Variants in FNDC3A observed in about 807,000 individuals in gnomAD.
FNDC3A encodes the protein fibronectin type III domain containing 3A.
In FNDC3A, 32 loss-of-function variants were observed where a neutral mutation model predicts 148.9. That is an observed-to-expected ratio of 0.21 (90% CI 0.16 to 0.29). The LOEUF is 0.29. Among genes scored for constraint, FNDC3A ranks in the 10% least tolerant of loss-of-function variants. The probability of loss-of-function intolerance (pLI) is 1.00; values close to 1 mark genes in which losing one functional copy is unlikely to be tolerated. For missense variants in FNDC3A, 1,191 were observed against 1,452.8 expected (o/e 0.82, Z 2.93); for synonymous variants, 472 against 473.6 (o/e 1.00, Z 0.04).
chr13:49,071,249 T>TACCA (rs561195291), intron 2 of FNDC3A, among the ~76,000 whole-genome samples: 36 of 152,222 alleles, frequency 2.4e-4, no homozygotes, highest in African/African-American at 8.4e-4. Flanking sequence ...TGTGTATATA[T>TACCA]ACCACATTTT....
chr13:49,104,926 A>G (rs1880078652), intron 3 of FNDC3A, among the ~76,000 whole-genome samples: 1 of 152,246 alleles, frequency 6.6e-6, no homozygotes, highest in African/African-American at 2.4e-5. Flanking sequence ...AATGCTAACT[A>G]TCAAATGATC....
chr13:49,043,229 T>C (rs1875089325), intron 2 of FNDC3A, among the ~76,000 whole-genome samples: 1 of 152,018 alleles, frequency 6.6e-6, no homozygotes, highest in Non-Finnish European at 1.5e-5. Flanking sequence ...GCTCCCAAAG[T>C]GTTGGAATTA....
chr13:49,094,652 G>A (rs1001431990), intron 3 of FNDC3A, among the ~76,000 whole-genome samples: 2 of 152,116 alleles, frequency 1.3e-5, no homozygotes, highest in Admixed American at 1.3e-4. Flanking sequence ...AGTTTCCTAG[G>A]AAAGAAGATT....
At chr13:49,042,087 T>C (rs943417994) in intron 2 of FNDC3A, among the ~76,000 whole-genome samples, 3 of 152,202 alleles carry the variant, frequency 2.0e-5, no homozygotes, top group Admixed American at 6.5e-5. Context: ...ATCTGAGATA[T>C]GGGAGTAAAA....
intron 1 of FNDC3A, among the ~76,000 whole-genome samples, chr13:48,985,806 G>C (rs1486124317): frequency 1.3e-5 from 2 of 152,170 alleles, no homozygotes; most frequent in African/African-American, 4.8e-5. Flanking sequence ...TTGGATTAGG[G>C]ATCAGGAAAG....
Position 49,197,978 on chromosome 13 carries a change from G to C in FNDC3A, c.2491-4G>C, listed in dbSNP as rs1456198490. The C allele has an allele frequency of 6.2e-7, 1 of 1,605,948 alleles. No homozygotes were observed. The highest frequency in any genetic ancestry group is 8.5e-7 in the Non-Finnish European group (1 of 1,176,056). On this transcript the variant is annotated splice_polypyrimidine_tract_variant and splice_region_variant and intron_variant, in intron 21 of 25. Coordinates refer to ENST00000492622, the MANE Select transcript of FNDC3A (RefSeq NM_001079673.2). ...GTTAACTCGGAGGCTCTGTTAATTT[G>C]TAGGCTCTGAGTGTTGTGGGTGCAG...
chr13:49,071,189 C>T (rs187510623), intron 2 of FNDC3A, among the ~76,000 whole-genome samples: 2 of 151,576 alleles, frequency 1.3e-5, no homozygotes, highest in Admixed American at 6.6e-5. Flanking sequence ...AGTGAGCCAC[C>T]GTTCCCCAGC....
chr13:49,187,757 AT>A (rs1043072817), intron 16 of FNDC3A: 550 of 804,990 alleles, frequency 6.8e-4, no homozygotes, highest in East Asian at 1.6e-3. Context: ...TTTTTCCTGG[AT>A]TTTTTTTTTC....
In FNDC3A at chr13:49,136,570, A is replaced by G. The variant is rs1397738514; in HGVS notation, c.729A>G (p.Lys243=). ...CAAAAATCAAGTCTGGGAAGGGGAAAGGTGGTACACAAGTTGATACAGAAA... is the reference window on the plus strand; with the variant it reads ...CAAAAATCAAGTCTGGGAAGGGGAAGGGTGGTACACAAGTTGATACAGAAA... ...GSAKIKSGKG[K]GGTQVDTEIE... is the part of the protein sequence containing the mutation. The change falls in exon 6 of 26, where the codon AAA becomes AAG. Residue 243 remains lysine (K), a synonymous_variant. Transcript: ENST00000492622. 1.9e-6 allele frequency: 3 copies of G among 1,613,966 alleles called. No homozygotes were observed. The highest frequency in any genetic ancestry group is 2.5e-6 in the Non-Finnish European group (3 of 1,179,844).
chr13:49,002,877 G>A (rs1313763570), intron 1 of FNDC3A, among the ~76,000 whole-genome samples: 2 of 152,116 alleles, frequency 1.3e-5, no homozygotes, highest in African/African-American at 4.8e-5. Flanking sequence ...GCTTCTATGA[G>A]CCGTCTTGTA....
chr13:49,108,424 A>G (rs1880337500), intron 3 of FNDC3A, among the ~76,000 whole-genome samples: 1 of 152,174 alleles, frequency 6.6e-6, no homozygotes, highest in African/African-American at 2.4e-5. Flanking sequence ...CAGACTACCA[A>G]CACTGCTTCA....
intron 1 of FNDC3A, among the ~76,000 whole-genome samples, chr13:48,988,597 T>G (rs1384792436): frequency 1.3e-5 from 2 of 152,082 alleles, no homozygotes; most frequent in Non-Finnish European, 2.9e-5. Flanking sequence ...GTCCCAGGAC[T>G]TTGGGAGGCT....
intron 8 of FNDC3A, among the ~76,000 whole-genome samples, chr13:49,151,263 T>C (rs1168065232): frequency 6.6e-6 from 1 of 152,218 alleles, no homozygotes; most frequent in Non-Finnish European, 1.5e-5. Flanking sequence ...TTCTGGGTGC[T>C]CCAGTGTTGG....
chr13:49,109,901 G>T (rs536867210), intron 3 of FNDC3A, among the ~76,000 whole-genome samples: 1 of 152,216 alleles, frequency 6.6e-6, no homozygotes, highest in East Asian at 1.9e-4. Flanking sequence ...TGAGTATGGA[G>T]AATTACGTTA....
chr13:49,066,377 G>A (rs1019209209), intron 2 of FNDC3A, among the ~76,000 whole-genome samples: 2 of 151,052 alleles, frequency 1.3e-5, no homozygotes, highest in Non-Finnish European at 3.0e-5. Flanking sequence ...CACCCTTATA[G>A]TTCATTGCTA....
intron 2 of FNDC3A, among the ~76,000 whole-genome samples, chr13:49,069,609 G>A (rs749092164): frequency 6.6e-6 from 1 of 152,112 alleles, no homozygotes; most frequent in Non-Finnish European, 1.5e-5. Flanking sequence ...ACTCTAAAAA[G>A]GCATTGAACA....
chr13:49,206,816 T>C (rs1352951464), intron 25 of FNDC3A, among the ~76,000 whole-genome samples: 1 of 152,232 alleles, frequency 6.6e-6, no homozygotes, highest in African/African-American at 2.4e-5. Context: ...GCTTGTTCTC[T>C]AGCTGCCCTG....
intron 10 of FNDC3A, among the ~76,000 whole-genome samples, chr13:49,169,873 T>TA (rs1442803691): frequency 2.0e-5 from 3 of 152,216 alleles, no homozygotes; most frequent in South Asian, 2.1e-4. Context: ...TCATGTGTGA[T>TA]AAAAAAGTAT....
In FNDC3A at chr13:49,187,195, G is replaced by C; in HGVS notation, c.1825+5G>C. The C allele has an allele frequency of 4.4e-6, 7 of 1,574,600 alleles. No homozygotes were observed. The highest frequency in any genetic ancestry group is 6.1e-6 in the Non-Finnish European group (7 of 1,145,402). ...AGATGGCAGAAGGTTCTAACGGTAT[G>C]AATGGATATTAAACACTGATAGATT... On this transcript the variant is annotated splice_donor_5th_base_variant and intron_variant, in intron 16 of 25. Coordinates refer to ENST00000492622, the MANE Select transcript of FNDC3A (RefSeq NM_001079673.2).
Sources: gnomAD v4.1 joint callset for allele counts (sites outside exome capture counted in the v4.1 genomes callset) on GRCh38, gnomAD v4.1.1 for gene constraint, MANE v1.5 for transcripts, NCBI Gene and HGNC (gene_info 2026-07-23, HGNC 2026-07-21) for gene names.